The following AKAP19 variants were observed in gnomAD, a reference collection of about 807,000 sequenced individuals.
AKAP19 encodes the protein small A-kinase anchoring protein.
At chr2:190,161,455 C>T in the AKAP19 span, among the ~76,000 whole-genome samples, 2 of 152,160 alleles carry the variant, frequency 1.3e-5, no homozygotes, top group African/African-American at 4.8e-5. Context: ...CTCAGGCCCA[C>T]ATTCTAAACA....
At chr2:190,166,154 G>C in the AKAP19 span, among the ~76,000 whole-genome samples, 2 of 151,684 alleles carry the variant, frequency 1.3e-5, no homozygotes, top group Non-Finnish European at 2.9e-5. Flanking sequence ...AATATGCAAA[G>C]CAGTTATTTA....
At chr2:189,901,949 A>G in the AKAP19 span, among the ~76,000 whole-genome samples, 1 of 152,186 alleles carries the variant, frequency 6.6e-6, no homozygotes, top group Non-Finnish European at 1.5e-5. Context: ...AAATGTAAAT[A>G]TGAATAAAAC....
the AKAP19 span, among the ~76,000 whole-genome samples, chr2:190,039,865 T>C: frequency 6.6e-6 from 1 of 152,232 alleles, no homozygotes; most frequent in Non-Finnish European, 1.5e-5. Context: ...TTCTTTTTTA[T>C]GGTCACATAG....
At chr2:189,997,390 A>G in the AKAP19 span, among the ~76,000 whole-genome samples, 3 of 152,156 alleles carry the variant, frequency 2.0e-5, no homozygotes, top group Admixed American at 2.0e-4. Context: ...GCAGGTAGAG[A>G]AATACCATCT....
chr2:190,068,894 C>A, the AKAP19 span, among the ~76,000 whole-genome samples: 2 of 152,154 alleles, frequency 1.3e-5, no homozygotes, highest in Non-Finnish European at 2.9e-5. Context: ...GAGCACTGAG[C>A]ACTTTGAGTA....
chr2:189,954,984 A>G, the AKAP19 span, among the ~76,000 whole-genome samples: 783 of 152,286 alleles, frequency 5.1e-3, 16 homozygotes, highest in East Asian at 0.045. Context: ...GTACAAGTAC[A>G]GTGGTGTTAC....
the AKAP19 span, among the ~76,000 whole-genome samples, chr2:190,080,813 C>A: frequency 0.015 from 2,298 of 152,214 alleles, 33 homozygotes; most frequent in Middle Eastern, 0.027. Context: ...TTTAACACTG[C>A]TGACACAATG....
the AKAP19 span, among the ~76,000 whole-genome samples, chr2:189,995,549 T>C: frequency 6.6e-6 from 1 of 152,200 alleles, no homozygotes; most frequent in Non-Finnish European, 1.5e-5. Flanking sequence ...GATACTTGAT[T>C]GGTGAGTTCT....
chr2:190,114,039 G>A, the AKAP19 span, among the ~76,000 whole-genome samples: 2 of 151,920 alleles, frequency 1.3e-5, no homozygotes, highest in Non-Finnish European at 2.9e-5. Flanking sequence ...TTATTCTTCT[G>A]TTGGTTACTC....
the AKAP19 span, among the ~76,000 whole-genome samples, chr2:189,989,366 T>C: frequency 1.3e-3 from 197 of 151,810 alleles, 5 homozygotes; most frequent in East Asian, 0.034. Flanking sequence ...TCCAGAAATA[T>C]AAGTATTTTC....
chr2:189,885,421 A>G, the AKAP19 span, among the ~76,000 whole-genome samples: 1 of 152,208 alleles, frequency 6.6e-6, no homozygotes, highest in Admixed American at 6.5e-5. Flanking sequence ...AGTTGTTACA[A>G]TCATCTCAGC....
At chr2:190,160,123 G>GT in the AKAP19 span, among the ~76,000 whole-genome samples, 2 of 152,184 alleles carry the variant, frequency 1.3e-5, no homozygotes, top group Non-Finnish European at 1.5e-5. Flanking sequence ...CATGGATCTA[G>GT]TTTTGATGTG....
At chr2:190,003,366 C>T in the AKAP19 span, among the ~76,000 whole-genome samples, 1 of 152,070 alleles carries the variant, frequency 6.6e-6, no homozygotes, top group East Asian at 1.9e-4. Flanking sequence ...ATAAACTCTT[C>T]TTTTTTGACA....
the AKAP19 span, among the ~76,000 whole-genome samples, chr2:190,159,197 A>G: frequency 6.6e-6 from 1 of 152,136 alleles, no homozygotes; most frequent in African/African-American, 2.4e-5. Context: ...GGTACAAATT[A>G]TATTGGTGCC....
the AKAP19 span, among the ~76,000 whole-genome samples, chr2:189,920,623 T>A: frequency 7.9e-5 from 12 of 152,174 alleles, no homozygotes; most frequent in Non-Finnish European, 1.6e-4. Context: ...ATTTATACAT[T>A]TCTGCTTAAT....
the AKAP19 span, among the ~76,000 whole-genome samples, chr2:190,023,048 T>A: frequency 6.6e-6 from 1 of 152,306 alleles, no homozygotes; most frequent in Middle Eastern, 3.4e-3. Flanking sequence ...AGCTGGTATT[T>A]AATTTATATT....
chr2:190,099,870 T>C, the AKAP19 span, among the ~76,000 whole-genome samples: 496 of 152,292 alleles, frequency 3.3e-3, 12 homozygotes, highest in East Asian at 0.056. Context: ...GAATAACATA[T>C]GGCTAAAACT....
the AKAP19 span, among the ~76,000 whole-genome samples, chr2:190,196,039 T>C: frequency 1.4e-5 from 2 of 143,264 alleles, no homozygotes; most frequent in East Asian, 4.0e-4. Flanking sequence ...TAAACTAGTC[T>C]GATCATCTCT....
At chr2:189,942,074 A>T in the AKAP19 span, among the ~76,000 whole-genome samples, 2 of 152,204 alleles carry the variant, frequency 1.3e-5, no homozygotes, top group Non-Finnish European at 2.9e-5. Flanking sequence ...GAGGGTCACT[A>T]TAAAATGACA....
Sources: gnomAD v4.1 joint callset for allele counts (sites outside exome capture counted in the v4.1 genomes callset) on GRCh38, gnomAD v4.1.1 for gene constraint, MANE v1.5 for transcripts, NCBI Gene and HGNC (gene_info 2026-07-23, HGNC 2026-07-21) for gene names.